ARHGAP9: variants seen among roughly 807,000 people sequenced by gnomAD.
ARHGAP9 encodes rho GTPase-activating protein 9.
A neutral mutation model predicts 87.3 loss-of-function variants in ARHGAP9; 76 were observed. That is an observed-to-expected ratio of 0.87 (90% CI 0.72 to 1.05). The LOEUF (loss-of-function observed/expected upper bound fraction) is 1.05. Among genes scored for constraint, ARHGAP9 ranks in the 50% least tolerant of loss-of-function variants. The pLI is 0.00. For missense variants in ARHGAP9, 941 were observed against 960.5 expected, an observed-to-expected ratio of 0.98 and a Z score of 0.27; for synonymous variants, 382 against 394.9, an observed-to-expected ratio of 0.97 and a Z score of 0.39.
upstream of ARHGAP9, chr12:57,480,219 T>C: frequency 2.6e-6 from 2 of 755,884 alleles, no homozygotes; most frequent in South Asian, 1.2e-4. Context: ...CTCGTTCTTG[T>C]CCCCCAGGCT....
chr12:57,477,899 T>C, intron 3 of ARHGAP9: 2 of 1,340,432 alleles, frequency 1.5e-6, no homozygotes, highest in South Asian at 1.5e-5. Context: ...CACTTCCTGT[T>C]GCCAACTTCC....
In ARHGAP9 at chr12:57,478,667, G is replaced by A. The variant is rs1874574989; in HGVS notation, c.407C>T (p.Pro136Leu). The A allele has an allele frequency of 3.7e-6, 6 of 1,614,088 alleles. No individual in the cohort carries two copies. The highest frequency in any genetic ancestry group is 4.2e-6 in the Non-Finnish European group (5 of 1,180,046). Reference sequence around the variant, plus strand: ...GCTGACGCTCCTACACATTTTGCGGGGAAGTGGAGGAGGCTGCTCCGAGCT... The same window carrying A: ...GCTGACGCTCCTACACATTTTGCGGAGAAGTGGAGGAGGCTGCTCCGAGCT... ...QASSEQPPPL[P>L]RKMCRSVSTD... The change falls in exon 3 of 18, where the codon CCC (proline) becomes CTC (leucine). Residue 136 changes from proline to leucine, a missense_variant. Physicochemically the swap from Pro to Leu is moderately conservative, Grantham distance 98. Transcript: ENST00000393791.
At chr12:57,472,960 G>A (rs528923360) in intron 17 of ARHGAP9, among the ~76,000 whole-genome samples, 107 of 152,288 alleles carry the variant, frequency 7.0e-4, no homozygotes, top group Non-Finnish European at 1.3e-3. Context: ...AATTCAAGTG[G>A]CCATCCTCTC....
chr12:57,485,835 T>G (rs1419687600), intron 1 of ARHGAP9, among the ~76,000 whole-genome samples: 1 of 152,140 alleles, frequency 6.6e-6, no homozygotes, highest in African/African-American at 2.4e-5. Flanking sequence ...AAGGGTTACT[T>G]AAGAGTTTTC....
At chr12:57,474,319 G>C in intron 15 of ARHGAP9, 104 bp downstream of exon 15, 1 of 1,575,388 alleles carries the variant, frequency 6.3e-7, no homozygotes, top group Non-Finnish European at 8.7e-7. Context: ...AGCTAAGGTG[G>C]GGATGAGGAC....
chr12:57,483,117 A>G (rs987608471), upstream of ARHGAP9, among the ~76,000 whole-genome samples: 2 of 151,954 alleles, frequency 1.3e-5, no homozygotes, highest in South Asian at 2.1e-4. Flanking sequence ...ACAAAAAAAT[A>G]TGATCCCTGC....
At chr12:57,486,320 A>C (rs932331847) in intron 1 of ARHGAP9, among the ~76,000 whole-genome samples, 1 of 150,350 alleles carries the variant, frequency 6.7e-6, no homozygotes, top group Non-Finnish European at 1.5e-5. Context: ...TGCAGGCTGG[A>C]GTGTAGAGGC....
Position 57,488,136 on chromosome 12 carries a change from C to G in ARHGAP9, c.-204+476G>C, listed in dbSNP as rs188955897. The G allele has an allele frequency of 4.9e-5, 79 of 1,614,182 alleles. No homozygotes were observed. The East Asian group carries it at 1.4e-3, about 30-fold the overall frequency. ...TGGCGTCCCGGGTTGCTTGCCGGTG[C>G]TGGCCGCCGCCGGGAGAGCCCGGGG... On this transcript the variant is annotated intron_variant, in intron 1 of 20. Transcript: ENST00000393797.
At chr12:57,480,211 C>T (rs1260201514), upstream of ARHGAP9, 13 of 789,886 alleles carry the variant, frequency 1.6e-5, no homozygotes, top group Middle Eastern at 6.4e-4. Flanking sequence ...GACGAAGTCT[C>T]GTTCTTGTCC....
chr12:57,479,380 A>T lies in ARHGAP9; in HGVS notation c.27T>A (p.Ser9Arg). The T allele has an allele frequency of 2.5e-6, 4 of 1,613,634 alleles. No individual in the cohort carries two copies. Among genetic ancestry groups the T allele is most frequent in the Non-Finnish European group, 3.4e-6 (4 of 1,179,882 alleles). Residue 9 changes from serine to arginine, a missense_variant, in exon 2 of 18, where the codon AGT (serine) becomes AGA (arginine). Coordinates refer to ENST00000393791, the MANE Select transcript of ARHGAP9 (RefSeq NM_032496.4). MLSSRWWP[S>R]SWGILGLGPR... ...GGCCCAGCCCTAGGATCCCCCAGGAACTTGGCCACCACCGGCTGGATAGCA... is the reference window on the plus strand; with the variant it reads ...GGCCCAGCCCTAGGATCCCCCAGGATCTTGGCCACCACCGGCTGGATAGCA...
chr12:57,476,701 T>A (rs150416488), intron 6 of ARHGAP9, 50 bp from the exon 7 acceptor site: 28,046 of 1,610,084 alleles, frequency 0.017, 438 homozygotes, highest in South Asian at 0.047. Context: ...CCCTCCATAG[T>A]GGCCACGGCT....
upstream of ARHGAP9, chr12:57,483,847 C>T (rs916498674): frequency 2.2e-6 from 1 of 450,186 alleles, no homozygotes; most frequent in African/African-American, 2.0e-5. Context: ...TGAGACCAGC[C>T]TGGGCAACAT....
At chr12:57,488,077 G>T in intron 1 of ARHGAP9, 2 of 1,611,540 alleles carry the variant, frequency 1.2e-6, no homozygotes, top group Non-Finnish European at 1.7e-6. Flanking sequence ...CATCAGCGAG[G>T]GATTCACGGC....
upstream of ARHGAP9, among the ~76,000 whole-genome samples, chr12:57,484,670 G>C (rs1162853755): frequency 6.6e-6 from 1 of 152,164 alleles, no homozygotes; most frequent in Non-Finnish European, 1.5e-5. Context: ...ATTTTAGACA[G>C]AGTCTCGTTC....
intron 1 of ARHGAP9, 89 bp from the exon 2 acceptor site, chr12:57,479,513 AG>A: frequency 2.7e-6 from 4 of 1,505,148 alleles, no homozygotes; most frequent in Non-Finnish European, 2.7e-6. Context: ...GCAGTGTTGC[AG>A]GGAGGTGAGG....
At position 57,475,625 on chromosome 12, in the gene ARHGAP9, G is replaced by C. The variant is rs1276746786; in HGVS notation, c.1312-10C>G. On this transcript the variant is annotated splice_polypyrimidine_tract_variant and intron_variant, in intron 10 of 17. Coordinates refer to ENST00000393791, the MANE Select transcript of ARHGAP9 (RefSeq NM_032496.4). Reference sequence around the variant, plus strand: ...GGGGGTTCTCCCGATCCTAGACCCGGGGCGGGCCGTGTCGAAGGTGAGAGA... The same window carrying C: ...GGGGGTTCTCCCGATCCTAGACCCGCGGCGGGCCGTGTCGAAGGTGAGAGA... 6.2e-7 allele frequency: 1 copy of C among 1,607,148 alleles called. No individual in the cohort carries two copies. The highest frequency in any genetic ancestry group is 8.5e-7 in the Non-Finnish European group (1 of 1,177,004).
At chr12:57,487,452 G>C (rs954340537) in intron 1 of ARHGAP9, 2 of 152,192 alleles carry the variant, frequency 1.3e-5, no homozygotes, top group Admixed American at 1.3e-4. Flanking sequence ...TCCACAACAA[G>C]AGAAGCAGCC....
upstream of ARHGAP9, among the ~76,000 whole-genome samples, chr12:57,481,255 T>C (rs369570803): frequency 7.9e-5 from 12 of 152,114 alleles, no homozygotes; most frequent in East Asian, 3.9e-4. Context: ...TCTTTCTTCT[T>C]CTCTTTTTTT....
chr12:57,487,062 C>T (rs1168728138), intron 1 of ARHGAP9, among the ~76,000 whole-genome samples: 1 of 151,674 alleles, frequency 6.6e-6, no homozygotes, highest in Non-Finnish European at 1.5e-5. Flanking sequence ...CTGCAACCTC[C>T]GCTTCCCGGG....
Sources: gnomAD v4.1 joint callset for allele counts (sites outside exome capture counted in the v4.1 genomes callset) on GRCh38, gnomAD v4.1.1 for gene constraint, MANE v1.5 for transcripts, NCBI Gene and HGNC (gene_info 2026-07-23, HGNC 2026-07-21) for gene names.